MYOF: variants seen among roughly 807,000 people sequenced by gnomAD.
MYOF encodes fer-1-like 3, myoferlin.
MYOF carries 244 observed loss-of-function variants against 284.2 expected under a neutral mutation model. That is an observed-to-expected ratio of 0.86 (90% CI 0.77 to 0.95). MYOF has a LOEUF of 0.95. Ranked by LOEUF, MYOF falls within the 40% of genes least tolerant of loss-of-function variation. The pLI is 0.00. For missense variants in MYOF, 2,496 were observed against 2,560.6 expected, an observed-to-expected ratio of 0.97 and a Z score of 0.54; for synonymous variants, 904 against 919.7, an observed-to-expected ratio of 0.98 and a Z score of 0.31.
intron 3 of MYOF, among the ~76,000 whole-genome samples, chr10:93,451,829 G>A (rs701866): frequency 0.84 from 127,773 of 152,200 alleles, 55,063 homozygotes; most frequent in East Asian, 1. Context: ...TAGGTGGCTC[G>A]GTGTTTGCAG....
chr10:93,453,778 G>A (rs367612260), intron 2 of MYOF, among the ~76,000 whole-genome samples: 4 of 152,258 alleles, frequency 2.6e-5, no homozygotes, highest in African/African-American at 9.6e-5. Context: ...CCAGCTGCTT[G>A]GGAGGCTGAG....
chr10:93,386,177 G>A (rs536274531), intron 19 of MYOF, among the ~76,000 whole-genome samples: 1 of 152,290 alleles, frequency 6.6e-6, no homozygotes, highest in East Asian at 1.9e-4. Context: ...CTCAAGTCAA[G>A]AACCACCATG....
In MYOF at chr10:93,309,863, G is replaced by T. The variant is rs190926956; in HGVS notation, c.6147+157C>A. On this transcript the variant is annotated intron_variant, in intron 53 of 53. Transcript: ENST00000359263. ...CCTGAGAATGTGATTCTAATTACAA[G>T]ACACATTACTTTAAATTTCCCCAAA... Among the ~76,000 whole-genome samples the T allele has an allele frequency of 1.0e-3, 154 of 152,260 alleles. 1 individual carries two copies. The highest frequency in any genetic ancestry group is 1.8e-3 in the Non-Finnish European group (120 of 68,024).
intron 1 of MYOF, among the ~76,000 whole-genome samples, chr10:93,476,889 A>G (rs911826774): frequency 1.3e-5 from 2 of 152,236 alleles, no homozygotes; most frequent in East Asian, 1.9e-4. Flanking sequence ...CCATCTGGAC[A>G]GTAGCAGTAG....
At position 93,426,058 on chromosome 10, in the gene MYOF, A is replaced by C; in HGVS notation, c.433+13T>G. ...CCCTGGGGGTGGCTGGGCCTTCAGAAGGGTCAGCTTACCTCCCATGCCTGG... is the reference window on the plus strand; with the variant it reads ...CCCTGGGGGTGGCTGGGCCTTCAGACGGGTCAGCTTACCTCCCATGCCTGG... On this transcript the variant is annotated intron_variant, in intron 5 of 53. Transcript: ENST00000359263. The C allele has an allele frequency of 6.4e-7, 1 of 1,551,524 alleles. No individual in the cohort carries two copies. The highest frequency in any genetic ancestry group is 8.7e-7 in the Non-Finnish European group (1 of 1,147,444).
At chr10:93,437,949 G>A (rs970769722) in intron 3 of MYOF, among the ~76,000 whole-genome samples, 7 of 152,172 alleles carry the variant, frequency 4.6e-5, no homozygotes, top group African/African-American at 1.7e-4. Context: ...CCAAACTTGA[G>A]TGGAGCTCCT....
At chr10:93,452,723 A>G (rs1564730889) in intron 2 of MYOF, among the ~76,000 whole-genome samples, 1 of 152,184 alleles carries the variant, frequency 6.6e-6, no homozygotes, top group Non-Finnish European at 1.5e-5. Context: ...AAATAAAAAA[A>G]TTAAAAAAGA....
intron 43 of MYOF, among the ~76,000 whole-genome samples, chr10:93,332,224 T>TTA (rs1366159907): frequency 2.1e-5 from 1 of 47,306 alleles, no homozygotes; most frequent in African/African-American, 6.7e-5. Context: ...CCTCATTCTT[T>TTA]TATTTTTTTT....
intron 3 of MYOF, among the ~76,000 whole-genome samples, chr10:93,442,041 C>CACACACACACACAG (rs57700900): frequency 1.4e-5 from 2 of 142,628 alleles, no homozygotes; most frequent in Admixed American, 7.1e-5. Context: ...CACACACACA[C>CACACACACACACAG]AGAATAAACC....
Position 93,459,299 on chromosome 10 carries a change from G to A in MYOF, c.89-2362C>T, listed in dbSNP as rs1047010034. Among the ~76,000 whole-genome samples the A allele has an allele frequency of 6.6e-5, 10 of 152,308 alleles. No homozygotes were observed. In the Middle Eastern group the frequency reaches 0.01, roughly 155 times the overall value. On this transcript the variant is annotated intron_variant, in intron 1 of 53. Coordinates refer to ENST00000359263, the MANE Select transcript of MYOF (RefSeq NM_013451.4). ...AAGAAAGTGCTCTTGAGAGAAACAG[G>A]AGACATGCAAAGAATTTTTAACTTA...
chr10:93,400,746 A>T (rs7087305), intron 12 of MYOF, among the ~76,000 whole-genome samples: 9,883 of 152,186 alleles, frequency 0.065, 388 homozygotes, highest in Middle Eastern at 0.088. Context: ...AAATGGAATC[A>T]CTAGAAGCGA....
intron 1 of MYOF, among the ~76,000 whole-genome samples, chr10:93,458,844 C>T (rs2056808304): frequency 1.3e-5 from 2 of 152,214 alleles, no homozygotes; most frequent in Admixed American, 1.3e-4. Flanking sequence ...TTTGCTTCTC[C>T]TCTGCTGCTG....
intron 3 of MYOF, among the ~76,000 whole-genome samples, chr10:93,438,588 T>G (rs2056144576): frequency 6.6e-6 from 1 of 152,118 alleles, no homozygotes; most frequent in Admixed American, 6.6e-5. Context: ...GACTTTTTCC[T>G]TTCGGTAATT....
chr10:93,451,749 T>G (rs2056596756), intron 3 of MYOF, among the ~76,000 whole-genome samples: 1 of 152,184 alleles, frequency 6.6e-6, no homozygotes, highest in Non-Finnish European at 1.5e-5. Flanking sequence ...AGGTAGGAAG[T>G]GCAGTTGACC....
At position 93,431,392 on chromosome 10, in the gene MYOF, G is replaced by A. The variant is rs1318484916; in HGVS notation, c.345+16C>T. On this transcript the variant is annotated intron_variant, in intron 4 of 53. Coordinates refer to ENST00000359263, the MANE Select transcript of MYOF (RefSeq NM_013451.4). ...ATCTCACTTCAAAGCCATTCAATAA[G>A]AGAGAAAACACTCACCCCAGTATCT... 1 of 1,607,800 alleles carries A rather than the reference G, an allele frequency of 6.2e-7. No homozygotes were observed. The highest frequency in any genetic ancestry group is 8.5e-7 in the Non-Finnish European group (1 of 1,174,612).
Position 93,372,990 on chromosome 10 carries a change from G to T in MYOF, c.2397C>A (p.Ser799=), listed in dbSNP as rs1216556943. The change falls in exon 24 of 54, where the codon TCC becomes TCA. Residue 799 remains serine (S), a synonymous_variant. Coordinates refer to ENST00000359263, the MANE Select transcript of MYOF (RefSeq NM_013451.4). ...TTCCAGATGCATTCTCACCACTGGT[G>T]GAGTACAAGACCTGATGTGCGGGAA... ...ARIPAHQVLY[S]TSGENASGKY... is the part of the protein sequence containing the mutation. 3.1e-6 allele frequency: 5 copies of T among 1,614,216 alleles called. No individual in the cohort carries two copies. Among genetic ancestry groups the T allele is most frequent in the Non-Finnish European group, 4.2e-6 (5 of 1,180,030 alleles).
chr10:93,470,448 T>C (rs956328006), intron 1 of MYOF, among the ~76,000 whole-genome samples: 2 of 151,706 alleles, frequency 1.3e-5, no homozygotes, highest in African/African-American at 4.8e-5. Flanking sequence ...TCACCCAGGC[T>C]GGAGTGCAGT....
chr10:93,409,026 C>T (rs1050179749), intron 6 of MYOF, 111 bp from the exon 7 acceptor site: 2 of 1,516,190 alleles, frequency 1.3e-6, no homozygotes, highest in Non-Finnish European at 1.8e-6. Flanking sequence ...AACACCAGGC[C>T]AGGGCAGCTT....
chr10:93,409,462 C>G, intron 6 of MYOF, 111 bp downstream of exon 6: 1 of 1,270,218 alleles, frequency 7.9e-7, no homozygotes. Context: ...TCTCTCTTTA[C>G]CGGTTGAGCC....
Sources: gnomAD v4.1 joint callset for allele counts (sites outside exome capture counted in the v4.1 genomes callset) on GRCh38, gnomAD v4.1.1 for gene constraint, MANE v1.5 for transcripts, NCBI Gene and HGNC (gene_info 2026-07-23, HGNC 2026-07-21) for gene names.